The following RORA variants were observed in gnomAD, a reference collection of about 807,000 sequenced individuals.
The protein encoded by RORA is RAR related orphan receptor A.
A neutral mutation model predicts 69.5 loss-of-function variants in RORA; 7 were observed. The observed-to-expected ratio is 0.10, with a 90% CI of 0.06 to 0.19. The LOEUF is 0.19. Ranked by LOEUF, RORA falls within the 10% of genes least tolerant of loss-of-function variation. The pLI, the probability that RORA is intolerant of heterozygous loss-of-function variation, is 1.00. For synonymous variants in RORA, 261 were observed against 240.8 expected (o/e 1.08, Z -0.78); for missense variants, 457 against 663.0 (o/e 0.69, Z 3.41).
chr15:60,696,341 G>T (rs981181067), intron 1 of RORA, among the ~76,000 whole-genome samples: 6 of 151,896 alleles, frequency 4.0e-5, no homozygotes, highest in Admixed American at 1.3e-4. Context: ...ATTGACGAGA[G>T]TCCCACTTTC....
intron 1 of RORA, among the ~76,000 whole-genome samples, chr15:61,214,477 T>C (rs1196604841): frequency 6.6e-6 from 1 of 152,172 alleles, no homozygotes; most frequent in Non-Finnish European, 1.5e-5. Context: ...GAGCAAGCAT[T>C]ATATATACGA....
At chr15:60,568,086 G>A (rs530182791) in intron 2 of RORA, among the ~76,000 whole-genome samples, 1 of 152,298 alleles carries the variant, frequency 6.6e-6, no homozygotes, top group Non-Finnish European at 1.5e-5. Flanking sequence ...ACTGATAAAT[G>A]TTCCCTGGGG....
chr15:60,920,180 A>C (rs1028641336), intron 1 of RORA, among the ~76,000 whole-genome samples: 27 of 152,224 alleles, frequency 1.8e-4, no homozygotes, highest in African/African-American at 6.3e-4. Context: ...AGACCTTGGA[A>C]TTATGTATGC....
At chr15:60,932,565 G>A (rs1310589410) in intron 1 of RORA, among the ~76,000 whole-genome samples, 3 of 152,194 alleles carry the variant, frequency 2.0e-5, no homozygotes, top group South Asian at 2.1e-4. Context: ...GAGATATGCA[G>A]CTTGAGTTTG....
rs1167413192 is a variant in RORA at position 60,943,497 on chromosome 15, G to T, written c.167-264811C>A. Among the ~76,000 whole-genome samples, 4 of 152,120 alleles carry T rather than the reference G, an allele frequency of 2.6e-5. No homozygotes were observed. In the South Asian group the frequency reaches 8.3e-4, roughly 32 times the overall value. ...ATTACATTTTCAATGTGAAGGTTCA[G>T]CCACTGTTTTAGAGGACTGTACTAA... On this transcript the variant is annotated intron_variant, in intron 1 of 10. Coordinates refer to ENST00000335670, the MANE Select transcript of RORA (RefSeq NM_134261.3).
intron 1 of RORA, among the ~76,000 whole-genome samples, chr15:61,137,843 C>A (rs1357450752): frequency 6.6e-6 from 1 of 152,168 alleles, no homozygotes; most frequent in Admixed American, 6.5e-5. Context: ...ATAACTATCA[C>A]ACAATCAGTA....
chr15:61,040,113 G>GATATATATATATAT (rs60830259), intron 1 of RORA, among the ~76,000 whole-genome samples: 4 of 46,306 alleles, frequency 8.6e-5, no homozygotes, highest in Non-Finnish European at 1.2e-4. Flanking sequence ...CACAAGCTTT[G>GATATATATATATAT]ATATATATAT....
chr15:60,547,004 C>A (rs548585567), intron 2 of RORA, among the ~76,000 whole-genome samples: 1 of 152,248 alleles, frequency 6.6e-6, no homozygotes, highest in South Asian at 2.1e-4. Flanking sequence ...AAGATGTGTA[C>A]GATCAACAGT....
At position 60,614,495 on chromosome 15, in the gene RORA, G is replaced by A. The variant is rs28592036; in HGVS notation, c.196+64162C>T. 3.3e-3 allele frequency among the ~76,000 whole-genome samples: 500 copies of A among 152,218 alleles called. 6 individuals are homozygous for A. The highest frequency in any genetic ancestry group is 0.011 in the African/African-American group (438 of 41,538). On this transcript the variant is annotated intron_variant, in intron 2 of 10. Transcript: ENST00000335670. The stretch of plus-strand genomic sequence containing the variant: ...TTGGAGTGTTTCTGTGTATTTTTGA[G>A]GAAAAGAGGCATTCATAGGGCGCAT...
rs146076027 is a variant in RORA, at chr15:60,992,774, A to G, written c.166+236279T>C. Among the ~76,000 whole-genome samples the G allele has an allele frequency of 2.5e-3, 379 of 152,322 alleles. 1 individual carries two copies. The highest frequency in any genetic ancestry group is 8.7e-3 in the African/African-American group (362 of 41,560). ...CAGAATGCACCTGTAGACATTAAGT[A>G]AGTCAAAAGTCAATCTGTGCTTTAA... On this transcript the variant is annotated intron_variant, in intron 1 of 10. Coordinates refer to ENST00000335670, the MANE Select transcript of RORA (RefSeq NM_134261.3).
intron 1 of RORA, among the ~76,000 whole-genome samples, chr15:61,085,875 C>G (rs148892557): frequency 6.6e-6 from 1 of 152,132 alleles, no homozygotes; most frequent in African/African-American, 2.4e-5. Flanking sequence ...AGTTGCTACC[C>G]CTGGGAGGCC....
intron 1 of RORA, among the ~76,000 whole-genome samples, chr15:61,020,600 C>A (rs1157865335): frequency 6.6e-6 from 1 of 152,196 alleles, no homozygotes; most frequent in African/African-American, 2.4e-5. Flanking sequence ...AAAACCTTCA[C>A]CCTCAGAGAG....
At chr15:60,971,874 A>T (rs1893727180) in intron 1 of RORA, among the ~76,000 whole-genome samples, 1 of 152,004 alleles carries the variant, frequency 6.6e-6, no homozygotes, top group African/African-American at 2.4e-5. Context: ...AGCTCCTGAC[A>T]CTGGCCCTCC....
In RORA at chr15:60,531,587, A is replaced by G. The variant is rs1371900906; in HGVS notation, c.282+179T>C. ...CTCCTATTATTTTGAAGGAAGGAGT[A>G]AAAATATATATAACTTCTTTAATTG... On this transcript the variant is annotated intron_variant, in intron 3 of 10. Transcript: ENST00000335670. This position sits in a 1 kb window ranked among gnomAD's most constrained non-coding sequence, Gnocchi z 4.8. The G allele has an allele frequency of 3.8e-6, 2 of 525,378 alleles. No homozygotes were observed. The highest frequency in any genetic ancestry group is 4.2e-5 in the Admixed American group (1 of 23,538). The allele number at this position is 525,378 out of a possible 1,614,324, so 32.5% of individuals were successfully genotyped here.
At position 60,563,747 on chromosome 15, in the gene RORA, T is replaced by A. The variant is rs1398392644; in HGVS notation, c.197-31896A>T. 3.9e-5 allele frequency among the ~76,000 whole-genome samples: 6 copies of A among 152,070 alleles called. 1 individual carries two copies. In the East Asian group the frequency reaches 1.2e-3, roughly 29 times the overall value. ...CAAACCATGGCTTTTCCTGTGTGGC[T>A]ACATCACAGACATTGTTTATCAGAG... On this transcript the variant is annotated intron_variant, in intron 2 of 10. Transcript: ENST00000335670.
In RORA at chr15:61,161,241, T is replaced by C. The variant is rs116243153; in HGVS notation, c.166+67812A>G. ...CAGTGGGAACACTGCTCTTGTGGACTATCTTTCTGAATTTTTTTGAGAGCT... is the reference window on the plus strand; with the variant it reads ...CAGTGGGAACACTGCTCTTGTGGACCATCTTTCTGAATTTTTTTGAGAGCT... On this transcript the variant is annotated intron_variant, in intron 1 of 10. Transcript: ENST00000335670. Among the ~76,000 whole-genome samples the C allele has an allele frequency of 3.2e-3, 492 of 152,330 alleles. 3 individuals carry two copies. The highest frequency in any genetic ancestry group is 0.011 in the African/African-American group (463 of 41,578).
At chr15:60,797,745 A>T (rs2072518620) in intron 1 of RORA, among the ~76,000 whole-genome samples, 1 of 152,154 alleles carries the variant, frequency 6.6e-6, no homozygotes, top group South Asian at 2.1e-4. Context: ...GTTGACAAGA[A>T]GCAGCAGTGG....
chr15:60,760,968 T>G (rs1426792921), intron 1 of RORA, among the ~76,000 whole-genome samples: 1 of 152,184 alleles, frequency 6.6e-6, no homozygotes, highest in East Asian at 1.9e-4. Context: ...ATCAGAGTTT[T>G]TGTATGACGC....
intron 1 of RORA, chr15:60,765,483 T>C (rs2071974293): frequency 6.6e-6 from 1 of 152,304 alleles, no homozygotes; most frequent in Admixed American, 6.5e-5. Context: ...CCTCTCTGGC[T>C]TGGTCGGGTC....
Sources: allele counts gnomAD v4.1 joint callset (sites outside exome capture counted in the v4.1 genomes callset), GRCh38; gene constraint gnomAD v4.1.1; non-coding constraint Gnocchi (gnomAD v3.1); transcripts MANE v1.5; gene names NCBI Gene and HGNC (gene_info 2026-07-23, HGNC 2026-07-21).